Variants in RALGAPA2 observed in about 807,000 individuals in gnomAD.
RALGAPA2 encodes Ral GTPase activating protein catalytic subunit alpha 2, also known as ral GTPase-activating protein subunit alpha-2.
In RALGAPA2, 139 loss-of-function variants were observed where a neutral mutation model predicts 230.4. That is an observed-to-expected ratio of 0.60 (90% confidence interval 0.53 to 0.69). The LOEUF (loss-of-function observed/expected upper bound fraction) is 0.69. RALGAPA2 is among the 30% of genes least tolerant of loss of function. The pLI is 0.00. For missense variants in RALGAPA2, 2,163 were observed against 2,276.0 expected (o/e 0.95, Z 1.01); for synonymous variants, 847 against 837.8 (o/e 1.01, Z -0.19).
chr20:20,643,873 T>C (rs1267516034), intron 4 of RALGAPA2, among the ~76,000 whole-genome samples: 1 of 151,924 alleles, frequency 6.6e-6, no homozygotes, highest in Non-Finnish European at 1.5e-5. Flanking sequence ...AAGGTAAAAA[T>C]AATGTAAAAC....
chr20:20,495,173 T>C lies in RALGAPA2; in HGVS notation c.5311A>G (p.Ile1771Val), dbSNP rs772924868. ...ATGTGATTCTTCATTGGGTAAATAA[T>C]GATTGAAACATCTCCAAAGGCAGTT... ...IPTAFGDVSI[I>V]IYPMKNHMFF... The change falls in exon 36 of 40, where the codon ATT (isoleucine) becomes GTT (valine). Residue 1771 changes from isoleucine to valine, a missense_variant. Physicochemically the swap from Ile to Val is conservative, Grantham distance 29 (BLOSUM62 3). Coordinates refer to ENST00000202677, the MANE Select transcript of RALGAPA2 (RefSeq NM_020343.4). 8 of 1,611,948 alleles carry C rather than the reference T, an allele frequency of 5.0e-6. No homozygotes were observed. The East Asian group carries it at 6.7e-5, about 13-fold the overall frequency.
chr20:20,521,151 C>T (rs2063027844), intron 30 of RALGAPA2, 51 bp from the exon 31 acceptor site: 1 of 1,470,680 alleles, frequency 6.8e-7, no homozygotes, highest in Admixed American at 1.9e-5. Flanking sequence ...CCGCGTGTCC[C>T]CTGACAATCT....
In RALGAPA2 at chr20:20,505,504, G is replaced by A. The variant is rs776595675; in HGVS notation, c.4959C>T (p.Tyr1653=). The stretch of plus-strand genomic sequence containing the variant: ...ACTTGTCTTCTTGACCTTCAGCAAT[G>A]TAAAACACTGCGATTTTGTGTGTCT... ...CRETHKIAVF[Y]IAEGQEDKCS... Residue 1653 remains tyrosine (Y), a synonymous_variant, in exon 34 of 40, where the codon TAC becomes TAT. Transcript: ENST00000202677. 5.0e-6 allele frequency: 8 copies of A among 1,601,172 alleles called. No homozygotes were observed. The Admixed American group carries it at 1.2e-4, about 24-fold the overall frequency.
chr20:20,605,179 G>T lies in RALGAPA2; in HGVS notation c.2034C>A (p.Gly678=). 1 of 1,598,766 alleles carries T rather than the reference G, an allele frequency of 6.3e-7. No individual in the cohort carries two copies. Among genetic ancestry groups the T allele is most frequent in the Non-Finnish European group, 8.6e-7 (1 of 1,168,652 alleles). ...AACCTGGAAGAGTGGAAATACCTTT[G>T]CCTCGTTGCTTCTTTTCCTTTTGTT... ...LSEQKEKKQR[G]KGCVLDPQKG... The change falls in exon 15 of 40, where the codon GGC becomes GGA. Residue 678 remains glycine (G), a synonymous_variant. Coordinates refer to ENST00000202677, the MANE Select transcript of RALGAPA2 (RefSeq NM_020343.4).
chr20:20,441,838 C>A (rs1391986230), intron 37 of RALGAPA2, among the ~76,000 whole-genome samples: 1 of 151,846 alleles, frequency 6.6e-6, no homozygotes, highest in Non-Finnish European at 1.5e-5. Context: ...GAGGCAGCAT[C>A]AACAGAAAGT....
intron 3 of RALGAPA2, among the ~76,000 whole-genome samples, chr20:20,653,827 G>C (rs551095718): frequency 6.6e-6 from 1 of 151,828 alleles, no homozygotes; most frequent in African/African-American, 2.4e-5. Flanking sequence ...CCCTCCAAAA[G>C]AAAACAAGAA....
chr20:20,507,082 A>AT (rs765389546), intron 33 of RALGAPA2, among the ~76,000 whole-genome samples: 9 of 152,222 alleles, frequency 5.9e-5, no homozygotes, highest in African/African-American at 1.4e-4. Context: ...TTTACAACAG[A>AT]TTTTTTCACT....
At chr20:20,477,437 C>T (rs1373954649) in intron 36 of RALGAPA2, among the ~76,000 whole-genome samples, 3 of 152,174 alleles carry the variant, frequency 2.0e-5, no homozygotes, top group Non-Finnish European at 4.4e-5. Context: ...CTGGCACCTA[C>T]TTGTGTATGG....
Position 20,412,146 on chromosome 20 carries a change from T to C in RALGAPA2, c.5498A>G (p.Tyr1833Cys), listed in dbSNP as rs371607956. 44 of 1,613,762 alleles carry C rather than the reference T, an allele frequency of 2.7e-5. 1 individual carries two copies. In the African/African-American group the frequency reaches 5.3e-4, roughly 20 times the overall value. ...TTCGAGATACAGAGCTCGCTCTTCA[T>C]AGCTGCGGTAATCGGTTAAGGAAAC... ...KCLIPLYQSFYEERALYLEAI... is the reference protein window; with the variant it reads ...KCLIPLYQSFCEERALYLEAI... The change falls in exon 38 of 40, where the codon TAT becomes TGT. Residue 1833 changes from tyrosine to cysteine, a missense_variant and splice_region_variant. Physicochemically the swap from Tyr to Cys is radical, Grantham distance 194 (BLOSUM62 -2). Transcript: ENST00000202677.
At chr20:20,528,191 G>T (rs575811439) in intron 27 of RALGAPA2, among the ~76,000 whole-genome samples, 2 of 152,202 alleles carry the variant, frequency 1.3e-5, no homozygotes, top group African/African-American at 4.8e-5. Flanking sequence ...TGTAATGAAG[G>T]AGGTGGGGAA....
At chr20:20,447,198 G>C (rs918278978) in intron 37 of RALGAPA2, among the ~76,000 whole-genome samples, 1 of 152,216 alleles carries the variant, frequency 6.6e-6, no homozygotes. Context: ...GTCTGACTTG[G>C]TGGCAGTATT....
intron 1 of RALGAPA2, among the ~76,000 whole-genome samples, chr20:20,699,740 A>C (rs1221856888): frequency 6.6e-6 from 1 of 152,232 alleles, no homozygotes; most frequent in Non-Finnish European, 1.5e-5. Flanking sequence ...AGAAATGCAA[A>C]TCAAAACCAC....
Position 20,536,796 on chromosome 20 carries a change from G to T in RALGAPA2, c.3286-12C>A, listed in dbSNP as rs1285180759. The T allele has an allele frequency of 6.2e-7, 1 of 1,608,924 alleles. No homozygotes were observed. The highest frequency in any genetic ancestry group is 8.5e-7 in the Non-Finnish European group (1 of 1,176,766). On this transcript the variant is annotated splice_polypyrimidine_tract_variant and intron_variant, in intron 24 of 39. Transcript: ENST00000202677. ...TCTGAACGAGGCGCCTGCACATAAG[G>T]AAGAGGAGCACACACATTTCTCTTT...
At chr20:20,420,116 G>A (rs1387988352) in intron 37 of RALGAPA2, among the ~76,000 whole-genome samples, 1 of 152,136 alleles carries the variant, frequency 6.6e-6, no homozygotes, top group African/African-American at 2.4e-5. Context: ...AGAGCAGTTC[G>A]GGCACAGAGA....
intron 1 of RALGAPA2, among the ~76,000 whole-genome samples, chr20:20,683,396 G>A (rs946633020): frequency 2.0e-5 from 3 of 152,002 alleles, no homozygotes; most frequent in Non-Finnish European, 4.4e-5. Context: ...CTTAAAATCC[G>A]AACTCTTTAC....
intron 3 of RALGAPA2, among the ~76,000 whole-genome samples, chr20:20,656,063 A>C (rs1361645063): frequency 6.6e-6 from 1 of 152,208 alleles, no homozygotes; most frequent in Non-Finnish European, 1.5e-5. Flanking sequence ...GTACAGAGGC[A>C]GGATTTGGAC....
At chr20:20,463,396 C>T (rs6137035) in intron 37 of RALGAPA2, among the ~76,000 whole-genome samples, 2,599 of 152,124 alleles carry the variant, frequency 0.017, 101 homozygotes, top group East Asian at 0.15. Context: ...GCTTTGTACC[C>T]GCTTTTGATA....
rs192629668 is a variant in RALGAPA2 at position 20,411,502 on chromosome 20, G to A, written c.5617+525C>T. ...TTCCACACCAGGTGCTGCTCCGGTCGGCGGCTTGTCCACATGACACAAACC... is the reference window on the plus strand; with the variant it reads ...TTCCACACCAGGTGCTGCTCCGGTCAGCGGCTTGTCCACATGACACAAACC... On this transcript the variant is annotated intron_variant, in intron 38 of 39. Coordinates refer to ENST00000202677, the MANE Select transcript of RALGAPA2 (RefSeq NM_020343.4). 1.8e-3 allele frequency among the ~76,000 whole-genome samples: 267 copies of A among 152,252 alleles called. 2 individuals carry two copies. The highest frequency in any genetic ancestry group is 6.0e-3 in the African/African-American group (251 of 41,524).
intron 38 of RALGAPA2, among the ~76,000 whole-genome samples, chr20:20,400,281 C>T (rs1265682134): frequency 6.6e-6 from 1 of 152,230 alleles, no homozygotes; most frequent in Non-Finnish European, 1.5e-5. Flanking sequence ...TGTCCTGGCC[C>T]TGGCTCTGAC....
Sources: gnomAD v4.1 joint callset for allele counts (sites outside exome capture counted in the v4.1 genomes callset) on GRCh38, gnomAD v4.1.1 for gene constraint, MANE v1.5 for transcripts, NCBI Gene and HGNC (gene_info 2026-07-23, HGNC 2026-07-21) for gene names.